SPATA13: variants seen among roughly 807,000 people sequenced by gnomAD.
SPATA13 encodes spermatogenesis associated 13, also known as spermatogenesis-associated protein 13.
SPATA13 carries 50 observed loss-of-function variants against 104.0 expected under a neutral mutation model. The observed-to-expected ratio is 0.48, with a 90% confidence interval of 0.38 to 0.61. The LOEUF is 0.61. Ranked by LOEUF, SPATA13 falls within the 20% of genes least tolerant of loss-of-function variation. SPATA13 has a pLI of 0.00. For missense variants in SPATA13, 1,524 were observed against 1,690.6 expected, an observed-to-expected ratio of 0.90 and a Z score of 1.73; for synonymous variants, 606 against 667.5, an observed-to-expected ratio of 0.91 and a Z score of 1.42.
intron 2 of SPATA13, among the ~76,000 whole-genome samples, chr13:24,232,413 C>A (rs1473897550): frequency 6.6e-6 from 1 of 152,226 alleles, no homozygotes; most frequent in Non-Finnish European, 1.5e-5. Flanking sequence ...CTGGAAACAC[C>A]CTCACAAACG....
intron 4 of SPATA13, among the ~76,000 whole-genome samples, chr13:24,268,778 G>A (rs1217088368): frequency 2.0e-5 from 3 of 152,134 alleles, no homozygotes; most frequent in African/African-American, 7.2e-5. Context: ...TAAAATTTCT[G>A]TAAGAGAAAG....
At chr13:24,137,361 G>C (rs1881608088) in intron 3 of SPATA13, among the ~76,000 whole-genome samples, 2 of 152,208 alleles carry the variant, frequency 1.3e-5, no homozygotes, top group Non-Finnish European at 2.9e-5. Context: ...GAAAGGGGCA[G>C]TCTCTCTTCA....
At chr13:24,119,739 CA>C (rs922041035) in intron 3 of SPATA13, among the ~76,000 whole-genome samples, 1 of 152,194 alleles carries the variant, frequency 6.6e-6, no homozygotes, top group Admixed American at 6.5e-5. Context: ...TCACTGTAAA[CA>C]ATTCAGGATT....
intron 3 of SPATA13, among the ~76,000 whole-genome samples, chr13:24,063,108 C>G (rs1878833023): frequency 6.7e-6 from 1 of 149,836 alleles, no homozygotes; most frequent in Non-Finnish European, 1.5e-5. Flanking sequence ...CTGTCCTCAG[C>G]CAGCCTGGAC....
At chr13:24,137,421 A>G (rs1881609569) in intron 3 of SPATA13, among the ~76,000 whole-genome samples, 1 of 152,222 alleles carries the variant, frequency 6.6e-6, no homozygotes, top group Non-Finnish European at 1.5e-5. Context: ...ACAGAAAACT[A>G]AAAATACTTA....
chr13:24,136,763 A>G (rs2138451131), intron 3 of SPATA13, among the ~76,000 whole-genome samples: 1 of 152,350 alleles, frequency 6.6e-6, no homozygotes, highest in Non-Finnish European at 1.5e-5. Context: ...GTGAATGGAT[A>G]AATGGATTTG....
At chr13:24,236,239 A>G (rs974097909) in intron 2 of SPATA13, among the ~76,000 whole-genome samples, 2 of 152,230 alleles carry the variant, frequency 1.3e-5, no homozygotes, top group African/African-American at 4.8e-5. Context: ...CATCTACTTC[A>G]GAGAGTTTTT....
chr13:24,019,094 T>C (rs963057353), intron 3 of SPATA13, among the ~76,000 whole-genome samples: 5 of 53,086 alleles, frequency 9.4e-5, no homozygotes, highest in Non-Finnish European at 2.4e-4. Flanking sequence ...ATTATTATTA[T>C]TTTTTTTTTT....
chr13:24,128,056 G>A (rs368221759), intron 3 of SPATA13, among the ~76,000 whole-genome samples: 7 of 152,328 alleles, frequency 4.6e-5, no homozygotes, highest in African/African-American at 1.7e-4. Context: ...AGGTGGGTGG[G>A]GAAGCTTTTT....
rs186939550 is a variant in SPATA13 at position 24,163,017 on chromosome 13, C to T, written c.-112+2085C>T. Among the ~76,000 whole-genome samples, 9 of 152,326 alleles carry T rather than the reference C, an allele frequency of 5.9e-5. 1 individual carries two copies. Among genetic ancestry groups the T allele is most frequent in the Admixed American group, 2.6e-4 (4 of 15,308 alleles). On this transcript the variant is annotated intron_variant, in intron 1 of 12. Transcript: ENST00000382108. ...TAATGCCGGCTGTCCCTCAGAAAGC[C>T]TGGGGCCAGTGCCTGGGCTGTCACC...
chr13:24,021,274 T>C (rs1006471820), intron 3 of SPATA13, among the ~76,000 whole-genome samples: 3 of 152,324 alleles, frequency 2.0e-5, no homozygotes, highest in African/African-American at 4.8e-5. Flanking sequence ...GAAAGAAAGT[T>C]TGGAGAATCC....
chr13:24,116,416 A>C (rs1023711501), intron 3 of SPATA13, among the ~76,000 whole-genome samples: 1 of 152,088 alleles, frequency 6.6e-6, no homozygotes, highest in African/African-American at 2.4e-5. Flanking sequence ...GGACATATAC[A>C]TTGAGATCTG....
intron 3 of SPATA13, among the ~76,000 whole-genome samples, chr13:24,111,305 G>C (rs1880630500): frequency 6.6e-6 from 1 of 152,046 alleles, no homozygotes; most frequent in Non-Finnish European, 1.5e-5. Context: ...TCCGTTGCTA[G>C]TACCTTAATT....
At chr13:24,284,514 T>G (rs576289895) in intron 5 of SPATA13, among the ~76,000 whole-genome samples, 6 of 152,040 alleles carry the variant, frequency 3.9e-5, no homozygotes, top group Admixed American at 2.0e-4. Flanking sequence ...TACAAAAAAA[T>G]TAGGTAGGCA....
intron 3 of SPATA13, among the ~76,000 whole-genome samples, chr13:24,110,507 T>C (rs927516709): frequency 1.3e-5 from 2 of 152,210 alleles, no homozygotes; most frequent in African/African-American, 4.8e-5. Context: ...TTGCTTCACT[T>C]GAATCTGCAT....
intron 2 of SPATA13, among the ~76,000 whole-genome samples, chr13:24,248,048 C>CT (rs1873260877): frequency 6.6e-6 from 1 of 152,190 alleles, no homozygotes; most frequent in South Asian, 2.1e-4. Flanking sequence ...ACTGACAGCC[C>CT]TTTTTGTTTA....
chr13:24,224,407 C>T lies in SPATA13; in HGVS notation c.1478C>T (p.Ala493Val), dbSNP rs576717882. 1.3e-6 allele frequency: 2 copies of T among 1,551,688 alleles called. No individual in the cohort carries two copies. Among genetic ancestry groups the T allele is most frequent in the South Asian group, 2.4e-5 (2 of 84,070 alleles). Residue 493 changes from alanine to valine, a missense_variant, in exon 2 of 13, where the codon GCC becomes GTC. Around this residue, in one of 2 missense-constraint regions of SPATA13, gnomAD observed 1,089 missense variants for 1,135.9 expected, o/e 0.96. Transcript: ENST00000382108. Reference sequence around the variant, plus strand: ...GCCAGCTGTCACAGCAATCACAGTGCCCTGTCCGCGAATTCAGAGGAAAGT... The same window carrying T: ...GCCAGCTGTCACAGCAATCACAGTGTCCTGTCCGCGAATTCAGAGGAAAGT... ...GSASCHSNHSALSANSEESEG... is the reference protein window; with the variant it reads ...GSASCHSNHSVLSANSEESEG...
chr13:24,026,663 C>T (rs747742333), intron 3 of SPATA13, among the ~76,000 whole-genome samples: 3 of 152,142 alleles, frequency 2.0e-5, no homozygotes, highest in South Asian at 2.1e-4. Flanking sequence ...CTGCAAGCTC[C>T]GCCTCCCGGG....
At chr13:24,116,041 T>C (rs1880823235) in intron 3 of SPATA13, among the ~76,000 whole-genome samples, 1 of 152,220 alleles carries the variant, frequency 6.6e-6, no homozygotes, top group Non-Finnish European at 1.5e-5. Context: ...ATTTTGGGGT[T>C]CCAGGTCAGC....
Sources: gnomAD v4.1 joint callset for allele counts (sites outside exome capture counted in the v4.1 genomes callset) on GRCh38, gnomAD v4.1.1 for gene constraint, gnomAD v4.1.1 regional missense constraint, MANE v1.5 for transcripts, NCBI Gene and HGNC (gene_info 2026-07-23, HGNC 2026-07-21) for gene names.